The following RELN variants were observed in gnomAD, a reference collection of about 807,000 sequenced individuals.
RELN encodes the protein reelin.
RELN carries 108 observed loss-of-function variants against 427.6 expected under a neutral mutation model. That is an observed-to-expected ratio of 0.25 (90% CI 0.22 to 0.30). RELN has a LOEUF of 0.30. Among genes scored for constraint, RELN ranks in the 10% least tolerant of loss-of-function variants. The pLI, the probability that RELN is intolerant of heterozygous loss-of-function variation, is 1.00. For missense variants in RELN, 3,715 were observed against 4,302.8 expected, an observed-to-expected ratio of 0.86 and a Z score of 3.82; for synonymous variants, 1,524 against 1,513.4, an observed-to-expected ratio of 1.01 and a Z score of -0.16.
intron 37 of RELN, among the ~76,000 whole-genome samples, chr7:103,557,704 G>C (rs1338682597): frequency 1.3e-5 from 2 of 151,998 alleles, no homozygotes; most frequent in Non-Finnish European, 2.9e-5. Context: ...GAAAGACTCA[G>C]GGACATGATG....
intron 3 of RELN, among the ~76,000 whole-genome samples, chr7:103,832,099 T>C (rs1793288206): frequency 6.6e-6 from 1 of 152,148 alleles, no homozygotes; most frequent in South Asian, 2.1e-4. Flanking sequence ...AGAAAGAGTA[T>C]ATATTTTAGT....
chr7:103,664,513 G>A (rs1282999796), intron 11 of RELN, among the ~76,000 whole-genome samples: 5 of 152,200 alleles, frequency 3.3e-5, no homozygotes, highest in African/African-American at 9.6e-5. Flanking sequence ...AAGGCTGGTA[G>A]AGTATATATC....
intron 3 of RELN, among the ~76,000 whole-genome samples, chr7:103,790,792 T>A (rs262357): frequency 0.012 from 1,843 of 152,156 alleles, 23 homozygotes; most frequent in African/African-American, 0.041. Flanking sequence ...TGAAACCCTG[T>A]CTCTACTGAA....
rs1361508538 is a variant in RELN, at chr7:103,495,853, A to T, written c.9239T>A (p.Val3080Glu). 1.2e-6 allele frequency: 2 copies of T among 1,614,170 alleles called. No homozygotes were observed. The highest frequency in any genetic ancestry group is 3.3e-4 in the Middle Eastern group (2 of 6,060). Residue 3080 changes from valine to glutamate, a missense_variant, in exon 57 of 65, where the codon GTA becomes GAA. Transcript: ENST00000428762. ...EENWSFYPNA[V>E]RTAGFCGNPS... Reference sequence around the variant, plus strand: ...ATTGCCACAAAATCCTGCTGTCCTTACAGCATTAGGGTAAAAACTCCAGTT... The same window carrying T: ...ATTGCCACAAAATCCTGCTGTCCTTTCAGCATTAGGGTAAAAACTCCAGTT...
In RELN at chr7:103,626,685, C is replaced by T. The variant is rs1330033851; in HGVS notation, c.2702+3255G>A. Among the ~76,000 whole-genome samples, 1 of 152,078 alleles carries T rather than the reference C, an allele frequency of 6.6e-6. No individual in the cohort carries two copies. Among genetic ancestry groups the T allele is most frequent in the Non-Finnish European group, 1.5e-5 (1 of 67,972 alleles). The stretch of plus-strand genomic sequence containing the variant: ...CCAAACTCTATATTTAATACGACAG[C>T]AATTTCCTTCAAACCTGTTGTATCT... On this transcript the variant is annotated intron_variant, in intron 20 of 64. Coordinates refer to ENST00000428762, the MANE Select transcript of RELN (RefSeq NM_005045.4). The surrounding 1 kb of genome is among the most constrained non-coding windows in gnomAD (Gnocchi z 4.4).
At chr7:103,826,201 T>G (rs1292225094) in intron 3 of RELN, among the ~76,000 whole-genome samples, 1 of 152,012 alleles carries the variant, frequency 6.6e-6, no homozygotes, top group Non-Finnish European at 1.5e-5. Context: ...CCTCATCAGA[T>G]GCAGCCCCTT....
intron 10 of RELN, among the ~76,000 whole-genome samples, chr7:103,696,703 T>C (rs1236478352): frequency 2.6e-5 from 4 of 152,128 alleles, no homozygotes; most frequent in Non-Finnish European, 5.9e-5. Context: ...CTCCTAATTC[T>C]GGCCAATATG....
At chr7:103,645,870 C>A (rs1234784864) in intron 16 of RELN, among the ~76,000 whole-genome samples, 2 of 151,868 alleles carry the variant, frequency 1.3e-5, no homozygotes, top group South Asian at 2.1e-4. Flanking sequence ...CCAGGACAGG[C>A]CATATGTTAG....
intron 20 of RELN, among the ~76,000 whole-genome samples, chr7:103,617,423 A>G (rs1395001997): frequency 1.3e-5 from 2 of 151,716 alleles, no homozygotes; most frequent in Non-Finnish European, 1.5e-5. Context: ...GTCATGTTTT[A>G]TTGGTATCTT....
chr7:103,561,632 C>T lies in RELN; in HGVS notation c.5429G>A (p.Gly1810Glu). 6.2e-7 allele frequency: 1 copy of T among 1,613,916 alleles called. No individual in the cohort carries two copies. Among genetic ancestry groups the T allele is most frequent in the Non-Finnish European group, 8.5e-7 (1 of 1,179,914 alleles). The change falls in exon 36 of 65, where the codon GGG becomes GAG. Residue 1810 changes from glycine to glutamate, a missense_variant. This residue lies in a region of RELN where 2,208 missense variants were observed against 2,361.7 expected (regional missense o/e 0.93). Coordinates refer to ENST00000428762, the MANE Select transcript of RELN (RefSeq NM_005045.4). The part of the protein sequence containing the change: ...LPSILKDDFN[G>E]NLHPDLWPEV... ...AGGCCAAAGGTCAGGATGTAAATTC[C>T]CATTGAAATCGTCTTTAAGAATCGA...
intron 61 of RELN, 65 bp downstream of exon 61, chr7:103,486,132 C>G: frequency 6.9e-7 from 1 of 1,455,902 alleles, no homozygotes; most frequent in Non-Finnish European, 9.6e-7. Flanking sequence ...ATCTAACAGA[C>G]AATGGACAAT....
Position 103,539,267 on chromosome 7 carries a change from C to T in RELN, c.6991G>A (p.Asp2331Asn), listed in dbSNP as rs370037754. Reference protein sequence around the residue: ...TVLEDDFTTLDSRKWLLHPGG... With the variant: ...TVLEDDFTTLNSRKWLLHPGG... The stretch of plus-strand genomic sequence containing the variant: ...GGGTGAAGCAGCCATTTCCTACTAT[C>T]AAGGGTTGTGAAATCATCTTCCAAG... Residue 2331 changes from aspartate to asparagine, a missense_variant, in exon 45 of 65, where the codon GAT becomes AAT. Transcript: ENST00000428762. 1.2e-6 allele frequency: 2 copies of T among 1,614,070 alleles called. No individual in the cohort carries two copies. The highest frequency in any genetic ancestry group is 2.7e-5 in the African/African-American group (2 of 74,948).
intron 4 of RELN, among the ~76,000 whole-genome samples, chr7:103,762,629 C>T (rs1705107): frequency 0.51 from 77,760 of 152,052 alleles, 22,477 homozygotes; most frequent in African/African-American, 0.79. Context: ...AAAATGCTAG[C>T]TGAATGGATT....
intron 13 of RELN, among the ~76,000 whole-genome samples, chr7:103,653,513 G>A (rs1832965328): frequency 6.6e-6 from 1 of 152,012 alleles, no homozygotes; most frequent in African/African-American, 2.4e-5. Flanking sequence ...ATGAGTATGT[G>A]GGTGTGGCCT....
rs1046073519 is a variant in RELN, at chr7:103,573,485, C to T, written c.4511+607G>A. Among the ~76,000 whole-genome samples the T allele has an allele frequency of 1.1e-4, 16 of 152,196 alleles. No individual in the cohort carries two copies. Among genetic ancestry groups the T allele is most frequent in the African/African-American group, 3.6e-4 (15 of 41,448 alleles). The stretch of plus-strand genomic sequence containing the variant: ...AATTGAAGGAAGGAAAAATATGACA[C>T]AGGACCCCAGATTTTGTGAGGAGGT... On this transcript the variant is annotated intron_variant, in intron 30 of 64. Transcript: ENST00000428762. The surrounding 1 kb of genome is among the most constrained non-coding windows in gnomAD (Gnocchi z 4.4).
intron 1 of RELN, among the ~76,000 whole-genome samples, chr7:103,982,878 C>A (rs1372976553): frequency 6.6e-6 from 1 of 152,276 alleles, no homozygotes; most frequent in East Asian, 1.9e-4. Context: ...TCAGGCTGGT[C>A]TTGAAATCCT....
intron 1 of RELN, among the ~76,000 whole-genome samples, chr7:103,972,500 G>T (rs1796783973): frequency 6.6e-6 from 1 of 152,168 alleles, no homozygotes; most frequent in Non-Finnish European, 1.5e-5. Flanking sequence ...GAGTAAATAG[G>T]TGTGGATGGC....
intron 2 of RELN, among the ~76,000 whole-genome samples, chr7:103,857,718 C>T (rs1793979109): frequency 6.6e-6 from 1 of 152,180 alleles, no homozygotes; most frequent in Non-Finnish European, 1.5e-5. Flanking sequence ...CATCTAAGTG[C>T]TCCTTAGAGG....
chr7:103,872,916 T>G (rs1352567178), intron 2 of RELN, among the ~76,000 whole-genome samples: 5 of 150,560 alleles, frequency 3.3e-5, no homozygotes, highest in African/African-American at 4.9e-5. Context: ...GGGTTGTTTG[T>G]TTTTTTTTGT....
Sources: gnomAD v4.1 joint callset for allele counts (sites outside exome capture counted in the v4.1 genomes callset) on GRCh38, gnomAD v4.1.1 for gene constraint, gnomAD v4.1.1 regional missense constraint, Gnocchi (gnomAD v3.1) non-coding constraint, MANE v1.5 for transcripts, NCBI Gene and HGNC (gene_info 2026-07-23, HGNC 2026-07-21) for gene names.